The following ATP6V1C1 variants were observed in gnomAD, a reference collection of about 807,000 sequenced individuals.
ATP6V1C1 encodes the protein V-type proton ATPase subunit C 1.
ATP6V1C1 carries 45 observed loss-of-function variants against 53.9 expected under a neutral mutation model. That is an observed-to-expected ratio of 0.83 (90% CI 0.66 to 1.07). The LOEUF (loss-of-function observed/expected upper bound fraction) is 1.07. Ranked by LOEUF, ATP6V1C1 falls within the 50% of genes least tolerant of loss-of-function variation. The probability of loss-of-function intolerance (pLI) is 0.00; values close to 1 mark genes in which losing one functional copy is unlikely to be tolerated. For synonymous variants in ATP6V1C1, 153 were observed against 155.2 expected (o/e 0.99, Z 0.11); for missense variants, 315 against 440.3 (o/e 0.72, Z 2.55).
At chr8:103,051,253 T>C (rs1817194976) in intron 5 of ATP6V1C1, 109 bp downstream of exon 5, 8 of 749,116 alleles carry the variant, frequency 1.1e-5, no homozygotes, top group Non-Finnish European at 1.5e-5. Flanking sequence ...AACTTAATTA[T>C]ATTTCACAGA....
At chr8:103,024,570 C>G (rs888346794) in intron 1 of ATP6V1C1, among the ~76,000 whole-genome samples, 1 of 152,206 alleles carries the variant, frequency 6.6e-6, no homozygotes, top group East Asian at 1.9e-4. Flanking sequence ...AAATTTTGCT[C>G]TTGTACATAT....
Position 103,063,061 on chromosome 8 carries a change from T to A in ATP6V1C1, c.734+14T>A. ...CAGAGAAAACAAGTAAGATTATTGT[T>A]TTTTTGTTTATTTACTTTGTTAGAT... is the stretch of plus-strand genomic sequence containing the variant. On this transcript the variant is annotated intron_variant, in intron 9 of 12. Coordinates refer to ENST00000518738, the MANE Select transcript of ATP6V1C1 (RefSeq NM_001695.5). 1 of 1,613,588 alleles carries A rather than the reference T, an allele frequency of 6.2e-7. No individual in the cohort carries two copies. Among genetic ancestry groups the A allele is most frequent in the Non-Finnish European group, 8.5e-7 (1 of 1,179,658 alleles).
chr8:103,053,757 A>C, intron 6 of ATP6V1C1, 127 bp from the exon 7 acceptor site: 1 of 651,704 alleles, frequency 1.5e-6, no homozygotes, highest in Non-Finnish European at 2.6e-6. Flanking sequence ...CAAAGTAAAA[A>C]TGTTGACTAA....
intron 1 of ATP6V1C1, among the ~76,000 whole-genome samples, chr8:103,031,822 C>A (rs1816801078): frequency 6.6e-6 from 1 of 152,070 alleles, no homozygotes; most frequent in South Asian, 2.1e-4. Flanking sequence ...TACATGTGAT[C>A]TTGTTTCAAA....
At chr8:103,035,657 C>G (rs1563602095) in intron 1 of ATP6V1C1, among the ~76,000 whole-genome samples, 1 of 152,070 alleles carries the variant, frequency 6.6e-6, no homozygotes, top group Admixed American at 6.6e-5. Context: ...AGGGGAAGGT[C>G]TAGGTACATT....
Position 103,052,778 on chromosome 8 carries a change from C to T in ATP6V1C1, c.429C>T (p.Tyr143=). The T allele has an allele frequency of 6.3e-7, 1 of 1,597,922 alleles. No homozygotes were observed. Among genetic ancestry groups the T allele is most frequent in the Non-Finnish European group, 8.5e-7 (1 of 1,173,354 alleles). Residue 143 remains tyrosine, a synonymous_variant, in exon 6 of 13, where the codon TAC becomes TAT. Coordinates refer to ENST00000518738, the MANE Select transcript of ATP6V1C1 (RefSeq NM_001695.5). ...ACCTGAAATCTCGAGCATCTGCATA[C>T]AATAACCTGAAAGGAAATCTTCAGA... is the stretch of plus-strand genomic sequence containing the variant. ...DNDLKSRASA[Y]NNLKGNLQNL... is the part of the protein sequence containing the mutation.
rs1817130046 is a variant in ATP6V1C1, at chr8:103,047,742, A to G, written c.201-1128A>G. 2.6e-5 allele frequency among the ~76,000 whole-genome samples: 4 copies of G among 152,104 alleles called. No individual in the cohort carries two copies. In the South Asian group the frequency reaches 6.2e-4, roughly 24 times the overall value. On this transcript the variant is annotated intron_variant, in intron 3 of 12. Coordinates refer to ENST00000518738, the MANE Select transcript of ATP6V1C1 (RefSeq NM_001695.5). Reference sequence around the variant, plus strand: ...GCCTACTGCTTTTCCACCTCTTATCATGACTCATAATATGCCCCATGGCAA... The same window carrying G: ...GCCTACTGCTTTTCCACCTCTTATCGTGACTCATAATATGCCCCATGGCAA...
At chr8:103,064,924 G>A in intron 11 of ATP6V1C1, 113 bp downstream of exon 11, 2 of 870,498 alleles carry the variant, frequency 2.3e-6, no homozygotes, top group Non-Finnish European at 3.5e-6. Flanking sequence ...AGAAATCAAA[G>A]GGCCAATCAT....
intron 1 of ATP6V1C1, among the ~76,000 whole-genome samples, chr8:103,033,521 A>C (rs1457122672): frequency 6.6e-6 from 1 of 152,198 alleles, no homozygotes; most frequent in East Asian, 1.9e-4. Flanking sequence ...AGTGGTGAGC[A>C]AAAACTATCA....
chr8:103,071,640 C>G lies in ATP6V1C1; in HGVS notation c.*2893C>G, dbSNP rs1817588743. 1 of 152,486 alleles carries G rather than the reference C, an allele frequency of 6.6e-6. No homozygotes were observed. The highest frequency in any genetic ancestry group is 1.9e-4 in the East Asian group (1 of 5,206). The allele number at this position is 152,486 out of a possible 1,614,324, so 9.4% of individuals were successfully genotyped here. A position where few individuals can be genotyped will look rare whatever the true frequency, so the allele number is the denominator to read the frequency against. On this transcript the variant is annotated 3_prime_UTR_variant, in exon 13 of 13. Transcript: ENST00000518738. ...TTTTGTTTTGTTTTTGAGACAAGGT[C>G]TTGCTCTGTCACCCAGGCTAGAGTG...
At chr8:103,064,950 A>G (rs1392299485) in intron 11 of ATP6V1C1, 139 bp downstream of exon 11, 1 of 678,022 alleles carries the variant, frequency 1.5e-6, no homozygotes, top group Non-Finnish European at 2.4e-6. Flanking sequence ...AGAGATTATC[A>G]GTATCATCAT....
intron 1 of ATP6V1C1, among the ~76,000 whole-genome samples, chr8:103,025,575 A>C (rs1405829804): frequency 6.6e-6 from 1 of 152,240 alleles, no homozygotes; most frequent in Non-Finnish European, 1.5e-5. Flanking sequence ...CTATATCCTA[A>C]TATTTCTTTG....
In ATP6V1C1 at chr8:103,053,917, T is replaced by G. The variant is rs745962841; in HGVS notation, c.507T>G (p.Ile169Met). ...GSLLTRSLAE[I>M]VKKDDFVLDS... ...TGCTAACTAGAAGTCTAGCAGAAATTGTGAAGAAGGATGACTTTGTTCTTG... is the reference window on the plus strand; with the variant it reads ...TGCTAACTAGAAGTCTAGCAGAAATGGTGAAGAAGGATGACTTTGTTCTTG... Residue 169 changes from isoleucine (I) to methionine (M), a missense_variant, in exon 7 of 13, where the codon ATT (isoleucine) becomes ATG (methionine). Physicochemically the swap from Ile to Met is conservative, Grantham distance 10. Transcript: ENST00000518738. 1.9e-6 allele frequency: 3 copies of G among 1,611,890 alleles called. No homozygotes were observed. In the Admixed American group the frequency reaches 5.0e-5, roughly 27 times the overall value.
chr8:103,028,883 G>C (rs1358432874), intron 1 of ATP6V1C1, among the ~76,000 whole-genome samples: 2 of 152,146 alleles, frequency 1.3e-5, no homozygotes, highest in African/African-American at 4.8e-5. Context: ...TCTTTTGTAT[G>C]AACTCCAGGG....
At position 103,040,863 on chromosome 8, in the gene ATP6V1C1, T is replaced by C. The variant is rs759211903; in HGVS notation, c.27T>C (p.Ala9=). The change falls in exon 2 of 13, where the codon GCT becomes GCC. Residue 9 remains alanine (A), a synonymous_variant. Transcript: ENST00000518738. The part of the protein sequence containing the change: MTEFWLIS[A]PGEKTCQQTW... ...TGACTGAGTTCTGGCTTATATCTGC[T>C]CCTGGGGAGAAAACCTGTCAGCAAA... The C allele has an allele frequency of 6.8e-6, 11 of 1,614,032 alleles. No individual in the cohort carries two copies. The highest frequency in any genetic ancestry group is 2.7e-5 in the African/African-American group (2 of 74,954).
chr8:103,055,768 G>A (rs1817280190), intron 7 of ATP6V1C1, 100 bp from the exon 8 acceptor site: 4 of 1,109,198 alleles, frequency 3.6e-6, no homozygotes, highest in African/African-American at 1.6e-5. Context: ...ACTTACTATA[G>A]CCAGATTTCC....
chr8:103,034,762 G>A (rs1259141213), intron 1 of ATP6V1C1, among the ~76,000 whole-genome samples: 1 of 151,852 alleles, frequency 6.6e-6, no homozygotes, highest in East Asian at 1.9e-4. Context: ...GTAAAGACAT[G>A]GTTTTGTCAT....
intron 1 of ATP6V1C1, among the ~76,000 whole-genome samples, chr8:103,023,917 A>T (rs191788921): frequency 6.6e-5 from 10 of 151,516 alleles, no homozygotes; most frequent in Admixed American, 1.3e-4. Flanking sequence ...GGGGGGGGGA[A>T]CTTCTCCCTG....
At chr8:103,039,622 A>G (rs887587225) in intron 1 of ATP6V1C1, among the ~76,000 whole-genome samples, 10 of 152,204 alleles carry the variant, frequency 6.6e-5, no homozygotes, top group African/African-American at 2.4e-4. Context: ...AAATGGAAAT[A>G]ATGATACCAT....
Sources: allele counts gnomAD v4.1 joint callset (sites outside exome capture counted in the v4.1 genomes callset), GRCh38; gene constraint gnomAD v4.1.1; transcripts MANE v1.5; gene names NCBI Gene and HGNC (gene_info 2026-07-23, HGNC 2026-07-21).